Variants in SPATS2 observed in about 807,000 individuals in gnomAD.
SPATS2 encodes spermatogenesis associated serine rich 2, also known as spermatogenesis-associated serine-rich protein 2.
A neutral mutation model predicts 63.7 loss-of-function variants in SPATS2; 38 were observed. That is an observed-to-expected ratio of 0.60 (90% CI 0.46 to 0.78). The LOEUF is 0.78. SPATS2 is among the 30% of genes least tolerant of loss of function. The pLI is 0.00. For missense variants in SPATS2, 588 were observed against 666.2 expected (o/e 0.88, Z 1.29); for synonymous variants, 207 against 232.9 (o/e 0.89, Z 1.01).
Position 49,436,310 on chromosome 12 carries a change from C to T in SPATS2, c.-243-24460C>T, listed in dbSNP as rs866363776. 2.2e-3 allele frequency among the ~76,000 whole-genome samples: 328 copies of T among 146,494 alleles called. 5 individuals carry two copies. Among genetic ancestry groups the T allele is most frequent in the Middle Eastern group, 0.02 (5 of 246 alleles). On this transcript the variant is annotated intron_variant, in intron 2 of 13. Transcript: ENST00000552918. ...CTCCCTCCCGGATGGGGCGGCTGGC[C>T]GGGCAGAGGGGCTCCTCACTTCGCA... is the stretch of plus-strand genomic sequence containing the variant.
intron 2 of SPATS2, among the ~76,000 whole-genome samples, chr12:49,444,588 A>G (rs1413402526): frequency 6.6e-6 from 1 of 151,994 alleles, no homozygotes; most frequent in East Asian, 1.9e-4. Flanking sequence ...TTGCTAGTAT[A>G]TAGATATACC....
intron 2 of SPATS2, among the ~76,000 whole-genome samples, chr12:49,417,073 A>G (rs990123295): frequency 8.5e-5 from 13 of 152,172 alleles, no homozygotes; most frequent in Non-Finnish European, 1.9e-4. Context: ...GTGGAAGAAG[A>G]CTTCCCAGTA....
chr12:49,452,237 A>G (rs1945635480), intron 2 of SPATS2, among the ~76,000 whole-genome samples: 1 of 152,184 alleles, frequency 6.6e-6, no homozygotes, highest in Non-Finnish European at 1.5e-5. Context: ...GTATAGTGGT[A>G]TACTTGACAT....
At chr12:49,457,358 G>A (rs574466571) in intron 2 of SPATS2, among the ~76,000 whole-genome samples, 27 of 151,890 alleles carry the variant, frequency 1.8e-4, no homozygotes, top group African/African-American at 6.5e-4. Flanking sequence ...ACCTTGATAT[G>A]TTTCTAAACT....
At chr12:49,520,268 C>T (rs777276784) in intron 11 of SPATS2, among the ~76,000 whole-genome samples, 46 of 152,212 alleles carry the variant, frequency 3.0e-4, no homozygotes, top group Non-Finnish European at 5.7e-4. Flanking sequence ...GCATGAGCCA[C>T]CACGCCCAGC....
At chr12:49,449,189 T>G (rs1592407375) in intron 2 of SPATS2, among the ~76,000 whole-genome samples, 3 of 152,190 alleles carry the variant, frequency 2.0e-5, no homozygotes, top group Non-Finnish European at 2.9e-5. Flanking sequence ...GGAGTATTAC[T>G]GATTTTCTGT....
intron 6 of SPATS2, chr12:49,491,004 T>C: frequency 3.7e-6 from 1 of 269,692 alleles, no homozygotes; most frequent in Non-Finnish European, 7.1e-6. Flanking sequence ...ATTAGCCAGG[T>C]GTGGTGGCAC....
At chr12:49,477,708 T>C (rs1289835792) in intron 3 of SPATS2, among the ~76,000 whole-genome samples, 1 of 152,210 alleles carries the variant, frequency 6.6e-6, no homozygotes, top group Non-Finnish European at 1.5e-5. Flanking sequence ...TATAGTAATA[T>C]TAATTAAAGC....
intron 2 of SPATS2, among the ~76,000 whole-genome samples, chr12:49,419,889 G>GTC (rs1944950116): frequency 6.6e-6 from 1 of 152,084 alleles, no homozygotes; most frequent in African/African-American, 2.4e-5. Flanking sequence ...AAAACATACT[G>GTC]TTTTATTGGT....
intron 2 of SPATS2, among the ~76,000 whole-genome samples, chr12:49,436,900 G>A: frequency 1.4e-5 from 2 of 145,790 alleles, no homozygotes; most frequent in Admixed American, 6.7e-5. Flanking sequence ...GCGGCTGGCC[G>A]GGCGGGGGGA....
At chr12:49,476,025 A>G (rs1400048849) in intron 3 of SPATS2, among the ~76,000 whole-genome samples, 2 of 152,162 alleles carry the variant, frequency 1.3e-5, no homozygotes, top group African/African-American at 4.8e-5. Flanking sequence ...CTAGGGCTCC[A>G]TCCTGGGCCT....
At chr12:49,380,185 G>A (rs1377017424) in intron 2 of SPATS2, among the ~76,000 whole-genome samples, 1 of 50,034 alleles carries the variant, frequency 2.0e-5, no homozygotes, top group East Asian at 5.0e-4. Context: ...TTTTTTTTTT[G>A]AGACAAAATC....
chr12:49,382,474 C>T (rs1424680716), intron 2 of SPATS2, among the ~76,000 whole-genome samples: 1 of 152,106 alleles, frequency 6.6e-6, no homozygotes, highest in African/African-American at 2.4e-5. Context: ...TTATCTTTTA[C>T]TTCAGGGTAA....
intron 3 of SPATS2, among the ~76,000 whole-genome samples, chr12:49,467,040 C>CTTTTTT (rs1272353375): frequency 1.1e-5 from 1 of 94,680 alleles, no homozygotes; most frequent in African/African-American, 3.9e-5. Flanking sequence ...ATAATTTGTT[C>CTTTTTT]TTTGTTTTTT....
intron 2 of SPATS2, among the ~76,000 whole-genome samples, chr12:49,442,836 T>C (rs1467120866): frequency 7.1e-6 from 1 of 141,322 alleles, no homozygotes; most frequent in Non-Finnish European, 1.5e-5. Context: ...CATTCACCAT[T>C]ATCACCATTC....
intron 3 of SPATS2, among the ~76,000 whole-genome samples, chr12:49,466,987 T>C (rs1945927802): frequency 6.6e-6 from 1 of 152,008 alleles, no homozygotes; most frequent in South Asian, 2.1e-4. Context: ...GGTTTACAGA[T>C]TTAAATGTAC....
intron 2 of SPATS2, among the ~76,000 whole-genome samples, chr12:49,443,494 A>G (rs1423483259): frequency 6.6e-6 from 1 of 151,846 alleles, no homozygotes; most frequent in Non-Finnish European, 1.5e-5. Flanking sequence ...AAGTATGAAA[A>G]GTCTTAAATT....
At chr12:49,506,345 A>G (rs887631806) in intron 9 of SPATS2, among the ~76,000 whole-genome samples, 1 of 152,176 alleles carries the variant, frequency 6.6e-6, no homozygotes, top group Admixed American at 6.5e-5. Flanking sequence ...TCACACTTCT[A>G]CGTGGCTGGG....
In SPATS2 at chr12:49,519,095, A is replaced by C; in HGVS notation, c.921A>C (p.Gln307His). 1 of 1,613,900 alleles carries C rather than the reference A, an allele frequency of 6.2e-7. No individual in the cohort carries two copies. Among genetic ancestry groups the C allele is most frequent in the Non-Finnish European group, 8.5e-7 (1 of 1,179,924 alleles). ...CAGTGGAAATTTTGCTCAGCCGACAAAAGAAGGCTGAACTTCTAAAGAAGA... is the reference window on the plus strand; with the variant it reads ...CAGTGGAAATTTTGCTCAGCCGACACAAGAAGGCTGAACTTCTAAAGAAGA... ...AEAMEILLSR[Q>H]KKAELLKKMT... is the part of the protein sequence containing the mutation. The change falls in exon 11 of 14, where the codon CAA (glutamine) becomes CAC (histidine). Residue 307 changes from glutamine to histidine, a missense_variant. By Grantham distance (24) the Gln-to-His change is conservative (BLOSUM62 0). Transcript: ENST00000552918.
Sources: gnomAD v4.1 joint callset for allele counts (sites outside exome capture counted in the v4.1 genomes callset) on GRCh38, gnomAD v4.1.1 for gene constraint, MANE v1.5 for transcripts, NCBI Gene and HGNC (gene_info 2026-07-23, HGNC 2026-07-21) for gene names.